The following CACNA2D1 variants were observed in gnomAD, a reference collection of about 807,000 sequenced individuals.
CACNA2D1 encodes the protein voltage-dependent calcium channel subunit alpha-2/delta-1.
Under a neutral mutation model 171.5 loss-of-function variants are expected in CACNA2D1, and 53 were observed. The observed-to-expected ratio is 0.31, with a 90% CI of 0.25 to 0.39. The LOEUF (loss-of-function observed/expected upper bound fraction) is 0.39. Among genes scored for constraint, CACNA2D1 ranks in the 10% least tolerant of loss-of-function variants. The probability of loss-of-function intolerance (pLI) is 1.00; values close to 1 mark genes in which losing one functional copy is unlikely to be tolerated. For missense variants in CACNA2D1, 903 were observed against 1,299.8 expected (o/e 0.69, Z 4.69); for synonymous variants, 442 against 443.1 (o/e 1.00, Z 0.03).
chr7:82,118,913 A>C (rs1006529156), intron 5 of CACNA2D1, among the ~76,000 whole-genome samples: 14 of 152,104 alleles, frequency 9.2e-5, no homozygotes, highest in Non-Finnish European at 1.8e-4. Flanking sequence ...TAAAAAGATG[A>C]GAATTTCTCA....
chr7:82,345,091 A>G (rs1819096343), intron 2 of CACNA2D1, among the ~76,000 whole-genome samples: 1 of 152,100 alleles, frequency 6.6e-6, no homozygotes, highest in South Asian at 2.1e-4. Context: ...CTCTGTAAAT[A>G]TATTAAACTC....
At chr7:82,085,079 C>G (rs185584955) in intron 6 of CACNA2D1, among the ~76,000 whole-genome samples, 179 bp from the exon 7 acceptor site, 1 of 152,302 alleles carries the variant, frequency 6.6e-6, no homozygotes, top group Admixed American at 6.5e-5. Context: ...GGATCTACTA[C>G]CAACATGTAC....
At chr7:82,188,450 C>T (rs1348924219) in intron 3 of CACNA2D1, among the ~76,000 whole-genome samples, 1 of 151,950 alleles carries the variant, frequency 6.6e-6, no homozygotes, top group Non-Finnish European at 1.5e-5. Flanking sequence ...TAGCAAGAAT[C>T]TGTCTAAATA....
intron 3 of CACNA2D1, among the ~76,000 whole-genome samples, chr7:82,198,064 A>G (rs544081364): frequency 2.0e-5 from 3 of 152,082 alleles, no homozygotes; most frequent in Non-Finnish European, 4.4e-5. Flanking sequence ...TCATGGTCCC[A>G]GGAGAATGCC....
chr7:82,378,836 G>A (rs1194380396), intron 1 of CACNA2D1, among the ~76,000 whole-genome samples: 2 of 151,970 alleles, frequency 1.3e-5, no homozygotes, highest in Admixed American at 6.6e-5. Flanking sequence ...TATTTGTCAG[G>A]ATGGCAATTT....
chr7:82,403,096 A>C (rs1165585931), intron 1 of CACNA2D1, among the ~76,000 whole-genome samples: 1 of 152,138 alleles, frequency 6.6e-6, no homozygotes, highest in Non-Finnish European at 1.5e-5. Flanking sequence ...CTAACTTAGA[A>C]TATCTAGAGG....
intron 4 of CACNA2D1, among the ~76,000 whole-genome samples, chr7:82,158,565 G>A (rs28572032): frequency 0.11 from 17,082 of 151,886 alleles, 1,665 homozygotes; most frequent in African/African-American, 0.25. Context: ...TAAACAATGT[G>A]ACATTACTCA....
At chr7:82,347,616 CG>C (rs1424649727) in intron 2 of CACNA2D1, among the ~76,000 whole-genome samples, 1 of 152,080 alleles carries the variant, frequency 6.6e-6, no homozygotes, top group African/African-American at 2.4e-5. Flanking sequence ...TGAGGCAATA[CG>C]GAATCATCTG....
intron 2 of CACNA2D1, among the ~76,000 whole-genome samples, chr7:82,346,070 A>G (rs1237866339): frequency 1.3e-5 from 2 of 152,144 alleles, no homozygotes; most frequent in African/African-American, 4.8e-5. Flanking sequence ...TTACTCTTAA[A>G]TGACTGGATA....
intron 3 of CACNA2D1, among the ~76,000 whole-genome samples, chr7:82,241,680 T>C (rs1804308399): frequency 6.6e-6 from 1 of 151,660 alleles, no homozygotes; most frequent in African/African-American, 2.4e-5. Flanking sequence ...AGTATGTATA[T>C]GTTTAAGGAT....
At chr7:82,154,380 TAG>T (rs1794156184) in intron 4 of CACNA2D1, among the ~76,000 whole-genome samples, 1 of 151,962 alleles carries the variant, frequency 6.6e-6, no homozygotes, top group South Asian at 2.1e-4. Context: ...TTCCTTCCAT[TAG>T]TAGAAAGGTA....
intron 4 of CACNA2D1, among the ~76,000 whole-genome samples, chr7:82,168,069 A>AT (rs1450823547): frequency 8.6e-5 from 13 of 151,988 alleles, no homozygotes; most frequent in African/African-American, 3.1e-4. Context: ...TTTCAAGATA[A>AT]TTTTTTTCAC....
intron 1 of CACNA2D1, among the ~76,000 whole-genome samples, chr7:82,356,609 T>C (rs1450770526): frequency 2.6e-5 from 4 of 152,134 alleles, no homozygotes; most frequent in Admixed American, 6.6e-5. Flanking sequence ...CACATAAGTA[T>C]TTATTGAATA....
intron 1 of CACNA2D1, among the ~76,000 whole-genome samples, chr7:82,365,586 AATG>A (rs1022667460): frequency 6.6e-5 from 10 of 152,370 alleles, no homozygotes; most frequent in Admixed American, 6.5e-4. Context: ...ATGACAGATC[AATG>A]AATAGATGGT....
At chr7:81,992,838 T>C (rs550780814) in intron 20 of CACNA2D1, among the ~76,000 whole-genome samples, 8 of 152,336 alleles carry the variant, frequency 5.3e-5, no homozygotes, top group African/African-American at 1.9e-4. Flanking sequence ...TTATCCTTAC[T>C]AAATTCTACC....
chr7:81,956,598 T>G (rs561713410), intron 38 of CACNA2D1, among the ~76,000 whole-genome samples: 3 of 152,262 alleles, frequency 2.0e-5, no homozygotes, highest in East Asian at 1.9e-4. Context: ...TCTTTTGCCA[T>G]GAAAACTATT....
At chr7:82,001,179 T>A (rs1798571285) in intron 18 of CACNA2D1, among the ~76,000 whole-genome samples, 1 of 152,290 alleles carries the variant, frequency 6.6e-6, no homozygotes, top group South Asian at 2.1e-4. Context: ...ATTTGCACTT[T>A]GGTACATTTT....
At chr7:82,152,687 A>C (rs7811521) in intron 4 of CACNA2D1, among the ~76,000 whole-genome samples, 1 of 152,098 alleles carries the variant, frequency 6.6e-6, no homozygotes, top group East Asian at 1.9e-4. Context: ...AAATTAAGTC[A>C]GGAACATGAT....
chr7:82,005,743 A>G (rs1799054239), intron 17 of CACNA2D1, 22 bp downstream of exon 17: 25 of 1,517,716 alleles, frequency 1.6e-5, no homozygotes, highest in Non-Finnish European at 2.2e-5. Flanking sequence ...AAAGGGTATC[A>G]AAAGAGCAAA....
Sources: allele counts gnomAD v4.1 joint callset (sites outside exome capture counted in the v4.1 genomes callset), GRCh38; gene constraint gnomAD v4.1.1; transcripts MANE v1.5; gene names NCBI Gene and HGNC (gene_info 2026-07-23, HGNC 2026-07-21).